The following KCNA6 variants were observed in gnomAD, a reference collection of about 807,000 sequenced individuals.
KCNA6 encodes human brain potassium channel-2.
KCNA6 carries 17 observed loss-of-function variants against 29.5 expected under a neutral mutation model. The observed-to-expected ratio is 0.58, with a 90% CI of 0.39 to 0.86. KCNA6 has a LOEUF of 0.86. KCNA6 is among the 40% of genes least tolerant of loss of function. The probability of loss-of-function intolerance (pLI) is 0.00; values close to 1 mark genes in which losing one functional copy is unlikely to be tolerated. For missense variants in KCNA6, 450 were observed against 703.4 expected (o/e 0.64, Z 4.07); for synonymous variants, 296 against 304.7 (o/e 0.97, Z 0.30).
At chr12:4,828,540 G>T in the KCNA6 span, among the ~76,000 whole-genome samples, 1 of 152,172 alleles carries the variant, frequency 6.6e-6, no homozygotes, top group African/African-American at 2.4e-5. Flanking sequence ...AATTTTCTAG[G>T]TATCACCTTT....
the KCNA6 span, among the ~76,000 whole-genome samples, chr12:4,837,223 A>G: frequency 2.2e-3 from 335 of 152,346 alleles, 5 homozygotes; most frequent in African/African-American, 7.8e-3. Flanking sequence ...TGAGGTTCCT[A>G]GAAGGTGGCA....
chr12:4,838,801 T>C, the KCNA6 span, among the ~76,000 whole-genome samples: 1 of 145,072 alleles, frequency 6.9e-6, no homozygotes, highest in African/African-American at 2.5e-5. Flanking sequence ...CTTTCCTCTG[T>C]GCACAGAGTG....
downstream of KCNA6, among the ~76,000 whole-genome samples, chr12:4,815,940 C>T (rs1301629093): frequency 6.6e-6 from 1 of 152,100 alleles, no homozygotes; most frequent in Non-Finnish European, 1.5e-5. Context: ...CAATTGGCCC[C>T]AGATAAGTTT....
chr12:4,835,768 G>A, the KCNA6 span, among the ~76,000 whole-genome samples: 1 of 152,184 alleles, frequency 6.6e-6, no homozygotes, highest in East Asian at 1.9e-4. Context: ...ATAAGGCACC[G>A]AAGCCAATAT....
the KCNA6 span, among the ~76,000 whole-genome samples, chr12:4,843,467 A>G: frequency 3.3e-5 from 5 of 152,228 alleles, no homozygotes. Flanking sequence ...GGCGTGAGCC[A>G]CTGCGCCTGG....
At chr12:4,846,000 T>TTTTTG in the KCNA6 span, among the ~76,000 whole-genome samples, 2 of 150,264 alleles carry the variant, frequency 1.3e-5, 1 homozygote, top group Non-Finnish European at 3.0e-5. Flanking sequence ...TTTTTTTTTT[T>TTTTTG]GGAATATTTG....
chr12:4,817,478 T>C (rs990853811), downstream of KCNA6, among the ~76,000 whole-genome samples: 1 of 152,178 alleles, frequency 6.6e-6, no homozygotes, highest in Non-Finnish European at 1.5e-5. Flanking sequence ...GAGAAAATAG[T>C]TCACCCTGCC....
At chr12:4,837,098 G>A in the KCNA6 span, among the ~76,000 whole-genome samples, 1 of 152,262 alleles carries the variant, frequency 6.6e-6, no homozygotes, top group Middle Eastern at 3.4e-3. Context: ...AGGGGCTGAA[G>A]GTCAAGGCAA....
At chr12:4,821,774 G>A in the KCNA6 span, among the ~76,000 whole-genome samples, 2 of 152,220 alleles carry the variant, frequency 1.3e-5, no homozygotes, top group African/African-American at 4.8e-5. Context: ...GCAGAAGGAC[G>A]TGGGTTCTCT....
chr12:4,832,407 G>A, the KCNA6 span, among the ~76,000 whole-genome samples: 1 of 152,202 alleles, frequency 6.6e-6, no homozygotes, highest in East Asian at 1.9e-4. Context: ...GGGACGCACA[G>A]GTAGAAGGAG....
the KCNA6 span, among the ~76,000 whole-genome samples, chr12:4,837,620 C>G: frequency 6.6e-6 from 1 of 152,186 alleles, no homozygotes; most frequent in Admixed American, 6.5e-5. Context: ...GATTTTATCA[C>G]AGAAATCTGT....
At position 4,810,554 on chromosome 12, in the gene KCNA6, G is replaced by A; in HGVS notation, c.513G>A (p.Gly171=). Reference sequence around the variant, plus strand: ...TCTTTGAGTACCCAGAGAGCTCTGGGCCGGCCAGGGGCATCGCCATCGTCT... The same window carrying A: ...TCTTTGAGTACCCAGAGAGCTCTGGACCGGCCAGGGGCATCGCCATCGTCT... The change falls in exon 1 of 1, where the codon GGG becomes GGA. Residue 171 remains glycine (G), a synonymous_variant. Coordinates refer to ENST00000280684, the Ensembl canonical transcript of KCNA6. This position sits in a 1 kb window ranked among gnomAD's most constrained non-coding sequence, Gnocchi z 7.5. The A allele has an allele frequency of 6.2e-7, 1 of 1,614,172 alleles. No homozygotes were observed. The highest frequency in any genetic ancestry group is 1.3e-5 in the African/African-American group (1 of 75,056).
chr12:4,835,441 A>AT, the KCNA6 span, among the ~76,000 whole-genome samples: 23 of 151,990 alleles, frequency 1.5e-4, no homozygotes, highest in Admixed American at 9.8e-4. Flanking sequence ...GCCAAGAATG[A>AT]TTTTTTTTAA....
the KCNA6 span, among the ~76,000 whole-genome samples, chr12:4,850,113 A>T: frequency 1.9e-3 from 292 of 152,338 alleles, no homozygotes; most frequent in African/African-American, 6.8e-3. This position sits in a 1 kb window ranked among gnomAD's most constrained non-coding sequence, Gnocchi z 5.4. Flanking sequence ...CGCAGGGGAC[A>T]GCCAAAGGGG....
At chr12:4,844,807 T>C in the KCNA6 span, among the ~76,000 whole-genome samples, 1 of 152,224 alleles carries the variant, frequency 6.6e-6, no homozygotes. The surrounding 1 kb of genome is among the most constrained non-coding windows in gnomAD (Gnocchi z 4.0). Context: ...TCATTATCAC[T>C]ATCAAAGACT....
At chr12:4,836,556 G>C in the KCNA6 span, among the ~76,000 whole-genome samples, 1 of 152,182 alleles carries the variant, frequency 6.6e-6, no homozygotes, top group East Asian at 1.9e-4. Flanking sequence ...CTGTGTTCAA[G>C]GAGCTAGGAG....
the KCNA6 span, among the ~76,000 whole-genome samples, chr12:4,834,877 T>A: frequency 6.6e-6 from 1 of 152,164 alleles, no homozygotes; most frequent in Non-Finnish European, 1.5e-5. Flanking sequence ...CTTACCCAGC[T>A]GATTTCATGG....
chr12:4,824,148 A>T, the KCNA6 span, among the ~76,000 whole-genome samples: 2 of 152,204 alleles, frequency 1.3e-5, no homozygotes, highest in African/African-American at 2.4e-5. Context: ...AATGGGTGGA[A>T]TTAGAGCAGG....
chr12:4,832,072 A>G, the KCNA6 span, among the ~76,000 whole-genome samples: 2 of 152,090 alleles, frequency 1.3e-5, no homozygotes, highest in African/African-American at 4.8e-5. Flanking sequence ...GATTCTGAAG[A>G]TGGTGTAGTT....
Sources: allele counts gnomAD v4.1 joint callset (sites outside exome capture counted in the v4.1 genomes callset), GRCh38; gene constraint gnomAD v4.1.1; non-coding constraint Gnocchi (gnomAD v3.1); transcripts MANE v1.5; gene names NCBI Gene and HGNC (gene_info 2026-07-23, HGNC 2026-07-21).